NPTN: variants seen among roughly 807,000 people sequenced by gnomAD.
The protein encoded by NPTN is neuroplastin, also known as SDR-1.
NPTN carries 5 observed loss-of-function variants against 42.7 expected under a neutral mutation model. The ratio of observed to expected loss-of-function variants is 0.12; its 90% CI spans 0.06 to 0.25. The LOEUF is 0.25. NPTN is among the 10% of genes least tolerant of loss of function. The pLI, the probability that NPTN is intolerant of heterozygous loss-of-function variation, is 1.00. For missense variants in NPTN, 307 were observed against 525.4 expected (o/e 0.58, Z 4.06); for synonymous variants, 180 against 201.9 (o/e 0.89, Z 0.92).
intron 3 of NPTN, among the ~76,000 whole-genome samples, chr15:73,590,748 C>T (rs1475176000): frequency 1.3e-5 from 2 of 152,090 alleles, no homozygotes; most frequent in Admixed American, 6.5e-5. Context: ...GGAGGCAGAA[C>T]GAGACCCTGT....
chr15:73,579,700 C>T (rs1444734324), intron 4 of NPTN, among the ~76,000 whole-genome samples: 1 of 152,082 alleles, frequency 6.6e-6, no homozygotes, highest in African/African-American at 2.4e-5. Flanking sequence ...TTATTTGACA[C>T]TCTGGGAAAG....
chr15:73,599,026 C>T (rs917078620), intron 1 of NPTN, among the ~76,000 whole-genome samples: 32 of 152,190 alleles, frequency 2.1e-4, no homozygotes, highest in African/African-American at 7.2e-4. Flanking sequence ...CACAGGAATG[C>T]AGTGATTAAC....
chr15:73,602,275 T>C (rs1454341450), intron 1 of NPTN, among the ~76,000 whole-genome samples: 2 of 152,142 alleles, frequency 1.3e-5, no homozygotes, highest in Non-Finnish European at 2.9e-5. Flanking sequence ...GTCACCTCTT[T>C]TAAAAACAGC....
chr15:73,580,041 G>A (rs576701560), intron 4 of NPTN, among the ~76,000 whole-genome samples: 2 of 152,204 alleles, frequency 1.3e-5, no homozygotes, highest in Admixed American at 6.5e-5. Flanking sequence ...ACCAATTGAT[G>A]AAGCAGACAT....
At chr15:73,612,645 C>T (rs1897649890) in intron 1 of NPTN, among the ~76,000 whole-genome samples, 1 of 152,108 alleles carries the variant, frequency 6.6e-6, no homozygotes, top group African/African-American at 2.4e-5. Flanking sequence ...TGGCCAGTGC[C>T]TGTAGTCTCA....
At chr15:73,579,895 C>T (rs1895899977) in intron 4 of NPTN, among the ~76,000 whole-genome samples, 1 of 152,156 alleles carries the variant, frequency 6.6e-6, no homozygotes, top group Non-Finnish European at 1.5e-5. Context: ...GGAAAGACCC[C>T]AAGCCAGAAC....
rs1219551355 is a variant in NPTN at position 73,597,220 on chromosome 15, C to T, written c.241G>A (p.Gly81Ser). ...RAESFRQLWD[G>S]ARKRRVTVNT... ...ACGGTGACACGGCGCTTCCGAGCAC[C>T]GTCCCACAGCTGTCTGAAAGACTCT... is the stretch of plus-strand genomic sequence containing the variant. The change falls in exon 2 of 9, where the codon GGT (glycine) becomes AGT (serine). Residue 81 changes from glycine (G) to serine (S), a missense_variant. By Grantham distance (56) the Gly-to-Ser change is moderately conservative. Around this residue, in one of 2 missense-constraint regions of NPTN, gnomAD observed 264 missense variants for 491.1 expected, o/e 0.54. Coordinates refer to ENST00000345330, the MANE Select transcript of NPTN (RefSeq NM_012428.4). This position sits in a 1 kb window ranked among gnomAD's most constrained non-coding sequence, Gnocchi z 6.3. 3 of 1,614,066 alleles carry T rather than the reference C, an allele frequency of 1.9e-6. No individual in the cohort carries two copies. Among genetic ancestry groups the T allele is most frequent in the Non-Finnish European group, 2.5e-6 (3 of 1,179,984 alleles).
At chr15:73,582,083 C>A (rs1896077567) in intron 4 of NPTN, among the ~76,000 whole-genome samples, 1 of 152,158 alleles carries the variant, frequency 6.6e-6, no homozygotes, top group Non-Finnish European at 1.5e-5. Flanking sequence ...TTGTGATCTG[C>A]CCGTCTTGGC....
chr15:73,626,972 C>T (rs1017887643), intron 1 of NPTN, among the ~76,000 whole-genome samples: 6 of 152,214 alleles, frequency 3.9e-5, no homozygotes, highest in African/African-American at 1.4e-4. Flanking sequence ...CAGTGGCTCA[C>T]ACCTGTAATC....
chr15:73,624,117 C>T, intron 1 of NPTN, among the ~76,000 whole-genome samples: 1 of 152,302 alleles, frequency 6.6e-6, no homozygotes, highest in East Asian at 1.9e-4. Context: ...TCTTAAGCTA[C>T]CATCAACATA....
intron 6 of NPTN, among the ~76,000 whole-genome samples, chr15:73,564,688 C>G (rs374970037): frequency 6.6e-6 from 1 of 152,110 alleles, no homozygotes; most frequent in Non-Finnish European, 1.5e-5. Flanking sequence ...TACTAAGACA[C>G]AAAAGCCCAG....
At chr15:73,583,017 C>T (rs1896131149) in intron 4 of NPTN, among the ~76,000 whole-genome samples, 3 of 152,166 alleles carry the variant, frequency 2.0e-5, no homozygotes, top group Non-Finnish European at 2.9e-5. Flanking sequence ...TAACAAACCC[C>T]CATATATGTA....
intron 6 of NPTN, among the ~76,000 whole-genome samples, chr15:73,564,743 C>T (rs1481362009): frequency 6.6e-6 from 1 of 152,158 alleles, no homozygotes; most frequent in Non-Finnish European, 1.5e-5. Context: ...GCATCCCGGC[C>T]AAGCCAGCTC....
chr15:73,590,330 G>A (rs886121014), intron 3 of NPTN, among the ~76,000 whole-genome samples: 3 of 152,092 alleles, frequency 2.0e-5, no homozygotes, highest in African/African-American at 7.2e-5. Context: ...CAAATAAGCT[G>A]AGGGGAAAAA....
chr15:73,623,542 C>G (rs988367469), intron 1 of NPTN, among the ~76,000 whole-genome samples: 1 of 152,006 alleles, frequency 6.6e-6, no homozygotes, highest in African/African-American at 2.4e-5. Flanking sequence ...CAAAAATTAG[C>G]CAGGCATGGA....
intron 1 of NPTN, among the ~76,000 whole-genome samples, chr15:73,616,945 A>AG (rs1401845888): frequency 6.6e-6 from 1 of 152,216 alleles, no homozygotes; most frequent in Non-Finnish European, 1.5e-5. Flanking sequence ...TATTCCATTT[A>AG]ATGAAGCTTT....
chr15:73,560,194 A>C lies in NPTN; in HGVS notation c.*869T>G. 3.7e-6 allele frequency: 1 copy of C among 268,120 alleles called. No individual in the cohort carries two copies. The allele number at this position is 268,120 out of a possible 1,614,324, so 16.6% of individuals were successfully genotyped here. On this transcript the variant is annotated 3_prime_UTR_variant, in exon 9 of 9. Transcript: ENST00000345330. ...AATCAATGTGAAAAAATACAGTGTC[A>C]AACCAAAAAGTATAACTATAGTTGC...
Position 73,560,054 on chromosome 15 carries a change from C to T in NPTN, c.*1009G>A. On this transcript the variant is annotated 3_prime_UTR_variant, in exon 9 of 9. Transcript: ENST00000345330. ...TTTTATTTTTAAAAACAGGTGAATCCACTTTTTTATACATCATTGCACTTC... is the reference window on the plus strand; with the variant it reads ...TTTTATTTTTAAAAACAGGTGAATCTACTTTTTTATACATCATTGCACTTC... 1 of 760,600 alleles carries T rather than the reference C, an allele frequency of 1.3e-6. No individual in the cohort carries two copies. Among genetic ancestry groups the T allele is most frequent in the South Asian group, 2.3e-5 (1 of 43,140 alleles). 47.1% of individuals were successfully genotyped at this position (760,600 alleles called of 1,614,324 possible). A position where few individuals can be genotyped will look rare whatever the true frequency, so the allele number is the denominator to read the frequency against.
At chr15:73,611,395 A>G (rs1469193163) in intron 1 of NPTN, among the ~76,000 whole-genome samples, 1 of 151,958 alleles carries the variant, frequency 6.6e-6, no homozygotes, top group Non-Finnish European at 1.5e-5. Context: ...TTCAATGCAA[A>G]AACAAAACAA....
Sources: gnomAD v4.1 joint callset for allele counts (sites outside exome capture counted in the v4.1 genomes callset) on GRCh38, gnomAD v4.1.1 for gene constraint, gnomAD v4.1.1 regional missense constraint, Gnocchi (gnomAD v3.1) non-coding constraint, MANE v1.5 for transcripts, NCBI Gene and HGNC (gene_info 2026-07-23, HGNC 2026-07-21) for gene names.